SCML4: variants seen among roughly 807,000 people sequenced by gnomAD.
SCML4 encodes sex comb on midleg-like protein 4.
A neutral mutation model predicts 41.1 loss-of-function variants in SCML4; 34 were observed. The ratio of observed to expected loss-of-function variants is 0.83; its 90% CI spans 0.63 to 1.10. The LOEUF (loss-of-function observed/expected upper bound fraction) is 1.10. Ranked by LOEUF, SCML4 falls within the 50% of genes least tolerant of loss-of-function variation. The pLI is 0.00. For missense variants in SCML4, 522 were observed against 534.1 expected (o/e 0.98, Z 0.22); for synonymous variants, 214 against 220.9 (o/e 0.97, Z 0.28).
rs11153077 is a variant in SCML4, at chr6:107,734,325, C to T, written c.682+10624G>A. 2.7e-3 allele frequency among the ~76,000 whole-genome samples: 408 copies of T among 152,162 alleles called. 5 individuals carry two copies. Among genetic ancestry groups the T allele is most frequent in the African/African-American group, 9.7e-3 (401 of 41,500 alleles). ...TTGTTTGAATACAGTTACTTTCTAC[C>T]AAAATTTTATCAAAGGGGTCAACGT... On this transcript the variant is annotated intron_variant, in intron 5 of 7. Coordinates refer to ENST00000369020, the MANE Select transcript of SCML4 (RefSeq NM_198081.5).
intron 2 of SCML4, among the ~76,000 whole-genome samples, chr6:107,763,672 C>T (rs1401907013): frequency 6.6e-6 from 1 of 152,144 alleles, no homozygotes; most frequent in East Asian, 1.9e-4. Flanking sequence ...CAGGTGTGAG[C>T]CACTGCGCCT....
chr6:107,827,650 T>C (rs1183231504), upstream of SCML4, among the ~76,000 whole-genome samples: 1 of 152,182 alleles, frequency 6.6e-6, no homozygotes, highest in Non-Finnish European at 1.5e-5. Flanking sequence ...AAAAGGGTGC[T>C]TAGGTTGTGC....
chr6:107,760,937 G>A (rs1317342626), intron 2 of SCML4, among the ~76,000 whole-genome samples: 1 of 152,060 alleles, frequency 6.6e-6, no homozygotes. Flanking sequence ...TTTTATAAGT[G>A]GGAAACACAG....
chr6:107,785,108 G>A (rs73525439), intron 1 of SCML4, among the ~76,000 whole-genome samples: 9 of 152,174 alleles, frequency 5.9e-5, no homozygotes, highest in African/African-American at 1.9e-4. Flanking sequence ...TGACAGACAC[G>A]CCTGGTTTAT....
intron 1 of SCML4, among the ~76,000 whole-genome samples, chr6:107,809,037 C>T (rs1199464696): frequency 1.6e-5 from 1 of 60,708 alleles, no homozygotes; most frequent in Non-Finnish European, 3.2e-5. Flanking sequence ...TATTTACAGG[C>T]GTGGCTTCTG....
intron 1 of SCML4, among the ~76,000 whole-genome samples, chr6:107,791,933 G>A (rs943971595): frequency 1.3e-5 from 2 of 152,146 alleles, no homozygotes; most frequent in Non-Finnish European, 2.9e-5. Context: ...CTGCGCTCCA[G>A]CCTGGGTGAC....
chr6:107,749,110 CTG>C (rs1027247487), intron 3 of SCML4, among the ~76,000 whole-genome samples: 3 of 151,794 alleles, frequency 2.0e-5, no homozygotes, highest in Non-Finnish European at 4.4e-5. Context: ...ATAGGATTCT[CTG>C]TGTGTGTGCG....
intron 2 of SCML4, among the ~76,000 whole-genome samples, chr6:107,769,030 G>A (rs1196867331): frequency 6.6e-6 from 1 of 152,154 alleles, no homozygotes; most frequent in Non-Finnish European, 1.5e-5. Flanking sequence ...GGGAGTCTCT[G>A]AACTAAGGAC....
rs1218260172 is a variant in SCML4, at chr6:107,704,464, GCTAA to G, written c.*732_*735del. 1 of 152,232 alleles carries G rather than the reference GCTAA, an allele frequency of 6.6e-6. No individual in the cohort carries two copies. The highest frequency in any genetic ancestry group is 1.9e-4 in the East Asian group (1 of 5,200). 9.4% of individuals were successfully genotyped at this position (152,232 alleles called of 1,614,324 possible). On this transcript the variant is annotated 3_prime_UTR_variant, in exon 8 of 8. Coordinates refer to ENST00000369020, the MANE Select transcript of SCML4 (RefSeq NM_198081.5). ...TTCTTCCCAAGTCGCAATCTGTGGT[GCTAA>G]CTGTGGAATAAATCCCCTGTTTCTG...
chr6:107,786,154 T>G (rs1781879889), intron 1 of SCML4, among the ~76,000 whole-genome samples: 1 of 152,202 alleles, frequency 6.6e-6, no homozygotes, highest in Non-Finnish European at 1.5e-5. Context: ...CTAATCTGAA[T>G]CAAAGCTACA....
intron 7 of SCML4, 146 bp downstream of exon 7, chr6:107,707,720 G>T: frequency 1.1e-6 from 1 of 883,186 alleles, no homozygotes; most frequent in Non-Finnish European, 1.8e-6. Flanking sequence ...TCTCATCTCT[G>T]GCTCCCTTGA....
intron 6 of SCML4, among the ~76,000 whole-genome samples, chr6:107,708,496 AG>A (rs1773903905): frequency 6.6e-6 from 1 of 152,172 alleles, no homozygotes; most frequent in Non-Finnish European, 1.5e-5. Context: ...TTGAGAGGAT[AG>A]AGGCATGGTA....
chr6:107,753,096 C>T (rs1778821810), intron 2 of SCML4, among the ~76,000 whole-genome samples: 1 of 152,074 alleles, frequency 6.6e-6, no homozygotes, highest in Non-Finnish European at 1.5e-5. Context: ...CAATGCGATA[C>T]CACCTTTCTG....
Position 107,801,902 on chromosome 6 carries a change from T to A in SCML4, c.-60+22224A>T, listed in dbSNP as rs193093921. On this transcript the variant is annotated intron_variant, in intron 1 of 7. Coordinates refer to ENST00000369020, the MANE Select transcript of SCML4 (RefSeq NM_198081.5). ...GCCTCAGCCTCCCGAGTAGCTGGGA[T>A]TACAGACACCCGCTACCACACCTGG... 3.2e-3 allele frequency among the ~76,000 whole-genome samples: 490 copies of A among 152,038 alleles called. 2 individuals are homozygous for A. Among genetic ancestry groups the A allele is most frequent in the African/African-American group, 0.011 (469 of 41,426 alleles).
intron 5 of SCML4, among the ~76,000 whole-genome samples, chr6:107,728,055 TA>T (rs1180762447): frequency 1.3e-5 from 2 of 152,222 alleles, no homozygotes; most frequent in African/African-American, 4.8e-5. Flanking sequence ...ATTGATATTA[TA>T]AAGAGCTTAT....
chr6:107,777,999 G>A (rs1264881855), intron 1 of SCML4, among the ~76,000 whole-genome samples: 1 of 151,568 alleles, frequency 6.6e-6, no homozygotes, highest in Non-Finnish European at 1.5e-5. Context: ...TGGATCACTT[G>A]AGGTCAGGAG....
At chr6:107,796,853 A>G (rs1782752702) in intron 1 of SCML4, among the ~76,000 whole-genome samples, 2 of 152,258 alleles carry the variant, frequency 1.3e-5, no homozygotes, top group East Asian at 1.9e-4. Context: ...ATTATTGTGT[A>G]TGATGTGAGA....
intron 1 of SCML4, among the ~76,000 whole-genome samples, chr6:107,791,790 C>T (rs1223328437): frequency 2.0e-5 from 3 of 152,044 alleles, no homozygotes; most frequent in African/African-American, 4.8e-5. Context: ...CCCATCTCTA[C>T]TTAAAATATA....
At chr6:107,774,838 A>G (rs1780795389) in intron 1 of SCML4, among the ~76,000 whole-genome samples, 1 of 152,090 alleles carries the variant, frequency 6.6e-6, no homozygotes, top group Non-Finnish European at 1.5e-5. Flanking sequence ...CCTGGCCAAC[A>G]TGGGGAAACC....
Sources: allele counts gnomAD v4.1 joint callset (sites outside exome capture counted in the v4.1 genomes callset), GRCh38; gene constraint gnomAD v4.1.1; transcripts MANE v1.5; gene names NCBI Gene and HGNC (gene_info 2026-07-23, HGNC 2026-07-21).